Variants in DPP10 observed in about 807,000 individuals in gnomAD.
DPP10 encodes inactive dipeptidyl peptidase 10.
Under a neutral mutation model 120.9 loss-of-function variants are expected in DPP10, and 33 were observed. The observed-to-expected ratio is 0.27, with a 90% confidence interval of 0.21 to 0.37. The LOEUF (loss-of-function observed/expected upper bound fraction) is 0.37. DPP10 is among the 10% of genes least tolerant of loss of function. DPP10 has a pLI of 1.00. For synonymous variants in DPP10, 337 were observed against 326.1 expected (o/e 1.03, Z -0.36); for missense variants, 816 against 942.8 (o/e 0.87, Z 1.76).
intron 4 of DPP10, among the ~76,000 whole-genome samples, chr2:115,525,375 A>C (rs986654526): frequency 6.6e-6 from 1 of 152,152 alleles, no homozygotes; most frequent in Non-Finnish European, 1.5e-5. Context: ...TTTGTTTGAC[A>C]TCAAATGCAA....
intron 3 of DPP10, among the ~76,000 whole-genome samples, chr2:115,386,077 AT>A (rs1292622866): frequency 1.3e-5 from 2 of 152,216 alleles, no homozygotes; most frequent in Non-Finnish European, 2.9e-5. Flanking sequence ...TAGGCAATTT[AT>A]ATACCTTATA....
intron 3 of DPP10, among the ~76,000 whole-genome samples, chr2:115,392,739 T>A (rs961050849): frequency 2.0e-5 from 3 of 152,278 alleles, no homozygotes; most frequent in African/African-American, 2.4e-5. Context: ...ATGAATTTTT[T>A]AAAATTGCAT....
chr2:115,568,273 A>C (rs2081130225), intron 5 of DPP10, among the ~76,000 whole-genome samples: 1 of 152,068 alleles, frequency 6.6e-6, no homozygotes, highest in Non-Finnish European at 1.5e-5. Context: ...TCACGAGGTC[A>C]AGAGATTGAG....
At chr2:114,685,331 T>A (rs1699294434) in intron 1 of DPP10, among the ~76,000 whole-genome samples, 1 of 152,048 alleles carries the variant, frequency 6.6e-6, no homozygotes, top group African/African-American at 2.4e-5. Flanking sequence ...ATAGTTATTT[T>A]GCCACTGACT....
At chr2:115,572,589 A>G (rs1204486912) in intron 5 of DPP10, among the ~76,000 whole-genome samples, 2 of 152,342 alleles carry the variant, frequency 1.3e-5, no homozygotes, top group Admixed American at 6.5e-5. Context: ...ACAGAGCACA[A>G]GCATGAGATT....
intron 1 of DPP10, among the ~76,000 whole-genome samples, chr2:114,532,034 T>A (rs1050523649): frequency 2.6e-5 from 4 of 151,738 alleles, no homozygotes; most frequent in Non-Finnish European, 5.9e-5. Flanking sequence ...TGCTTTCCGT[T>A]TGAAACATCC....
At chr2:115,377,075 G>A (rs1475964451) in intron 3 of DPP10, among the ~76,000 whole-genome samples, 1 of 151,746 alleles carries the variant, frequency 6.6e-6, no homozygotes, top group Non-Finnish European at 1.5e-5. Flanking sequence ...CCAGTAATGG[G>A]ATTGCTGGGT....
At chr2:114,704,420 G>A (rs1481253327) in intron 1 of DPP10, among the ~76,000 whole-genome samples, 1 of 152,174 alleles carries the variant, frequency 6.6e-6, no homozygotes, top group Non-Finnish European at 1.5e-5. Flanking sequence ...ATAGATGTGT[G>A]TAGATACTAG....
intron 8 of DPP10, among the ~76,000 whole-genome samples, chr2:115,730,617 A>T (rs571615713): frequency 6.6e-6 from 1 of 152,336 alleles, no homozygotes; most frequent in Non-Finnish European, 1.5e-5. Flanking sequence ...AAAAGGCTTC[A>T]TACATTTATA....
chr2:115,351,595 G>C (rs1471199769), intron 3 of DPP10, among the ~76,000 whole-genome samples: 2 of 152,024 alleles, frequency 1.3e-5, no homozygotes, highest in South Asian at 2.1e-4. Context: ...GACATACCTA[G>C]TTCCTGATTC....
At chr2:115,669,688 G>C (rs2149437144) in intron 5 of DPP10, among the ~76,000 whole-genome samples, 2 of 152,162 alleles carry the variant, frequency 1.3e-5, no homozygotes, top group South Asian at 4.1e-4. Context: ...CAGAAATAAT[G>C]TTTGCTTCTG....
At chr2:115,633,163 A>G (rs950485398) in intron 5 of DPP10, among the ~76,000 whole-genome samples, 44 of 152,334 alleles carry the variant, frequency 2.9e-4, no homozygotes, top group Middle Eastern at 6.8e-3. Flanking sequence ...TCACAATAGC[A>G]AAGACTTGGA....
At chr2:114,742,417 T>C (rs761480024) in intron 1 of DPP10, among the ~76,000 whole-genome samples, 8 of 152,240 alleles carry the variant, frequency 5.3e-5, no homozygotes, top group South Asian at 2.1e-4. Flanking sequence ...ACGTAGATAG[T>C]TCCTAAGAGC....
Position 115,100,969 on chromosome 2 carries a change from C to G in DPP10, c.61-208270C>G, listed in dbSNP as rs190335225. On this transcript the variant is annotated intron_variant, in intron 1 of 25. Coordinates refer to ENST00000410059, the MANE Select transcript of DPP10 (RefSeq NM_020868.6). ...CTTGCAGCTCTCACCACTGGGAGAA[C>G]TTATTCTTACAGTTGTTTTTTAGGG... 1.4e-3 allele frequency among the ~76,000 whole-genome samples: 214 copies of G among 152,288 alleles called. 1 individual carries two copies. Among genetic ancestry groups the G allele is most frequent in the Admixed American group, 1.8e-3 (27 of 15,300 alleles).
chr2:115,168,985 A>T (rs929181681), intron 1 of DPP10, among the ~76,000 whole-genome samples: 12 of 152,176 alleles, frequency 7.9e-5, no homozygotes, highest in Admixed American at 2.0e-4. Context: ...AAATAAAAAA[A>T]ATTTTTTTCT....
rs149648922 is a variant in DPP10, at chr2:115,536,671, A to G, written c.441+10699A>G. Among the ~76,000 whole-genome samples, 312 of 152,128 alleles carry G rather than the reference A, an allele frequency of 2.1e-3. 1 individual carries two copies. Among genetic ancestry groups the G allele is most frequent in the African/African-American group, 7.3e-3 (304 of 41,546 alleles). ...TTATGATGCTATTTTATAGGACACG[A>G]ATGCTTTTTCTAAGGTAAATGAACA... On this transcript the variant is annotated intron_variant, in intron 5 of 25. Coordinates refer to ENST00000410059, the MANE Select transcript of DPP10 (RefSeq NM_020868.6).
intron 3 of DPP10, among the ~76,000 whole-genome samples, chr2:115,410,495 C>T (rs1229421550): frequency 1.3e-5 from 2 of 152,070 alleles, no homozygotes; most frequent in African/African-American, 4.8e-5. Context: ...AAGGGGAGAG[C>T]ATGAGGAAGA....
intron 5 of DPP10, among the ~76,000 whole-genome samples, chr2:115,533,206 T>C (rs1031786378): frequency 2.0e-5 from 3 of 152,222 alleles, no homozygotes; most frequent in African/African-American, 7.2e-5. Flanking sequence ...ATTAGAGCTG[T>C]CCTCTATACA....
chr2:114,814,110 T>C (rs1383810501), intron 1 of DPP10, among the ~76,000 whole-genome samples: 1 of 152,190 alleles, frequency 6.6e-6, no homozygotes, highest in Admixed American at 6.5e-5. Context: ...CTATGACGGA[T>C]AACAAAAGGT....
Sources: allele counts gnomAD v4.1 joint callset (sites outside exome capture counted in the v4.1 genomes callset), GRCh38; gene constraint gnomAD v4.1.1; transcripts MANE v1.5; gene names NCBI Gene and HGNC (gene_info 2026-07-23, HGNC 2026-07-21).